FAM193A: variants seen among roughly 807,000 people sequenced by gnomAD.
FAM193A encodes family with sequence similarity 193 member A.
In FAM193A, 22 loss-of-function variants were observed where a neutral mutation model predicts 126.5. The observed-to-expected ratio is 0.17, with a 90% CI of 0.12 to 0.25. The LOEUF (loss-of-function observed/expected upper bound fraction) is 0.25. Ranked by LOEUF, FAM193A falls within the 10% of genes least tolerant of loss-of-function variation. The pLI is 1.00. For missense variants in FAM193A, 1,675 were observed against 1,672.8 expected (o/e 1.00, Z -0.02); for synonymous variants, 761 against 646.8 (o/e 1.18, Z -2.68).
At chr4:2,544,828 C>T (rs1737448324) in intron 1 of FAM193A, among the ~76,000 whole-genome samples, 1 of 151,900 alleles carries the variant, frequency 6.6e-6, no homozygotes, top group African/African-American at 2.4e-5. Flanking sequence ...TGTGGTTGTA[C>T]CACAACAGCA....
At chr4:2,551,666 T>C (rs1737927655) in intron 1 of FAM193A, among the ~76,000 whole-genome samples, 1 of 152,186 alleles carries the variant, frequency 6.6e-6, no homozygotes, top group Non-Finnish European at 1.5e-5. Context: ...TTTTACCTTT[T>C]ATTCTTCCTT....
At chr4:2,596,830 A>G (rs536311804) in intron 2 of FAM193A, among the ~76,000 whole-genome samples, 7 of 152,288 alleles carry the variant, frequency 4.6e-5, no homozygotes, top group Admixed American at 1.3e-4. Context: ...TGTTCCGGGC[A>G]GGCTTTCACA....
intron 19 of FAM193A, chr4:2,715,599 G>GC: frequency 1.2e-6 from 1 of 818,204 alleles, no homozygotes; most frequent in South Asian, 3.8e-5. Flanking sequence ...ACATGGGCCT[G>GC]TCCCCTGGGC....
At chr4:2,625,189 G>T in intron 2 of FAM193A, 73 bp from the exon 3 acceptor site, 1 of 615,448 alleles carries the variant, frequency 1.6e-6, no homozygotes. Flanking sequence ...CATTTTTCCT[G>T]AACAGTTAAT....
intron 19 of FAM193A, among the ~76,000 whole-genome samples, chr4:2,707,030 G>A (rs1718389315): frequency 6.6e-6 from 1 of 152,052 alleles, no homozygotes; most frequent in African/African-American, 2.4e-5. Flanking sequence ...GCTGAGATGG[G>A]AGAATTGCTT....
At chr4:2,615,947 G>A (rs976967529) in intron 2 of FAM193A, among the ~76,000 whole-genome samples, 1 of 152,142 alleles carries the variant, frequency 6.6e-6, no homozygotes, top group Non-Finnish European at 1.5e-5. Flanking sequence ...GAGTAGCTGG[G>A]ATTACACATG....
At chr4:2,612,395 A>G (rs1741933783) in intron 2 of FAM193A, among the ~76,000 whole-genome samples, 1 of 152,040 alleles carries the variant, frequency 6.6e-6, no homozygotes, top group Non-Finnish European at 1.5e-5. Context: ...GCTACTCGGG[A>G]GGCTGAGGCA....
rs76184071 is a variant in FAM193A at position 2,650,257 on chromosome 4, C to T, written c.1311+3425C>T. Among the ~76,000 whole-genome samples the T allele has an allele frequency of 7.8e-4, 119 of 152,318 alleles. No individual in the cohort carries two copies. The East Asian group carries it at 0.021, about 27-fold the overall frequency. Reference sequence around the variant, plus strand: ...GTGGAAAAGTTGTCTTCCATGAAATCGGTCCCTGGTCCTAAAAAGGTTGGG... The same window carrying T: ...GTGGAAAAGTTGTCTTCCATGAAATTGGTCCCTGGTCCTAAAAAGGTTGGG... On this transcript the variant is annotated intron_variant, in intron 7 of 20. Coordinates refer to ENST00000637812, the MANE Select transcript of FAM193A (RefSeq NM_001366318.2).
intron 7 of FAM193A, among the ~76,000 whole-genome samples, chr4:2,657,287 G>A (rs921817991): frequency 6.6e-6 from 1 of 151,946 alleles, no homozygotes. Flanking sequence ...ACCGACTTTC[G>A]GTTTTATTAA....
intron 2 of FAM193A, among the ~76,000 whole-genome samples, chr4:2,610,804 C>T (rs904957546): frequency 2.0e-5 from 3 of 151,920 alleles, no homozygotes; most frequent in African/African-American, 7.3e-5. Flanking sequence ...ATGGCGCGAT[C>T]TCGGCTCACC....
intron 20 of FAM193A, among the ~76,000 whole-genome samples, chr4:2,724,401 C>T (rs1388042767): frequency 6.6e-6 from 1 of 152,110 alleles, no homozygotes; most frequent in Non-Finnish European, 1.5e-5. Flanking sequence ...ACCTTCCTTA[C>T]CAAAACACAT....
intron 1 of FAM193A, among the ~76,000 whole-genome samples, chr4:2,553,111 G>T (rs543017189): frequency 6.6e-6 from 1 of 152,114 alleles, no homozygotes; most frequent in Non-Finnish European, 1.5e-5. Flanking sequence ...GTCTCCCAGC[G>T]TGCTGGGATT....
intron 1 of FAM193A, among the ~76,000 whole-genome samples, chr4:2,585,196 A>C (rs1017784744): frequency 3.3e-5 from 5 of 152,194 alleles, no homozygotes; most frequent in African/African-American, 1.2e-4. Flanking sequence ...ACTCTTGTAC[A>C]TGTATTTTGG....
intron 19 of FAM193A, among the ~76,000 whole-genome samples, chr4:2,712,062 G>A (rs1719039227): frequency 6.6e-6 from 1 of 152,158 alleles, no homozygotes; most frequent in Non-Finnish European, 1.5e-5. Flanking sequence ...TGTGATCAGA[G>A]AATATTGCTT....
At chr4:2,720,002 C>T in intron 20 of FAM193A, 1 of 240,036 alleles carries the variant, frequency 4.2e-6, no homozygotes, top group South Asian at 3.7e-5. Context: ...GCCACATTGC[C>T]CAGGCTGGTC....
At chr4:2,623,380 C>G (rs1742671184) in intron 2 of FAM193A, among the ~76,000 whole-genome samples, 1 of 152,172 alleles carries the variant, frequency 6.6e-6, no homozygotes, top group African/African-American at 2.4e-5. Flanking sequence ...CCATGTTGGC[C>G]AGAAGGGTCT....
intron 1 of FAM193A, among the ~76,000 whole-genome samples, chr4:2,590,145 AAAAAG>A (rs1373123156): frequency 6.7e-6 from 1 of 149,210 alleles, no homozygotes; most frequent in Non-Finnish European, 1.5e-5. Flanking sequence ...AAAAAAAAAA[AAAAAG>A]AAAGAAAGAA....
chr4:2,586,285 C>G (rs773422832), intron 1 of FAM193A, among the ~76,000 whole-genome samples: 14 of 151,910 alleles, frequency 9.2e-5, no homozygotes, highest in Non-Finnish European at 1.9e-4. Context: ...ATCTGTTGAT[C>G]TTTTCCTTTA....
At chr4:2,702,035 G>A (rs1289420503) in intron 19 of FAM193A, among the ~76,000 whole-genome samples, 2 of 152,174 alleles carry the variant, frequency 1.3e-5, no homozygotes, top group African/African-American at 4.8e-5. Flanking sequence ...GCCTCCCAAA[G>A]TGCTGGGATT....
Sources: allele counts gnomAD v4.1 joint callset (sites outside exome capture counted in the v4.1 genomes callset), GRCh38; gene constraint gnomAD v4.1.1; transcripts MANE v1.5; gene names NCBI Gene and HGNC (gene_info 2026-07-23, HGNC 2026-07-21).